ZFP64: variants seen among roughly 807,000 people sequenced by gnomAD.
ZFP64 encodes ZFP64 zinc finger protein.
ZFP64 carries 14 observed loss-of-function variants against 51.6 expected under a neutral mutation model. That is an observed-to-expected ratio of 0.27 (90% CI 0.18 to 0.42). The LOEUF is 0.42. ZFP64 is among the 10% of genes least tolerant of loss of function. The pLI is 1.00. For missense variants in ZFP64, 754 were observed against 906.8 expected, an observed-to-expected ratio of 0.83 and a Z score of 2.16; for synonymous variants, 375 against 361.4, an observed-to-expected ratio of 1.04 and a Z score of -0.43.
Position 52,191,730 on chromosome 20 carries a change from A to AC in ZFP64, c.-95dup. 11 of 1,377,884 alleles carry AC rather than the reference A, an allele frequency of 8.0e-6. No homozygotes were observed. Among genetic ancestry groups the AC allele is most frequent in the Non-Finnish European group, 7.7e-6 (8 of 1,044,810 alleles). 85.4% of individuals were successfully genotyped at this position (1,377,884 alleles called of 1,614,324 possible). A position where few individuals can be genotyped will look rare whatever the true frequency, so the allele number is the denominator to read the frequency against. ...AGGACTTTTCCTTTTATTTTTCCAC[A>AC]CCCCCCACCCTGCCTTCTCCCAACT... is the stretch of plus-strand genomic sequence containing the variant. On this transcript the variant is annotated 5_prime_UTR_variant, in exon 1 of 6. Coordinates refer to ENST00000216923, the MANE Select transcript of ZFP64 (RefSeq NM_018197.3). The surrounding 1 kb of genome is among the most constrained non-coding windows in gnomAD (Gnocchi z 4.3).
downstream of ZFP64, among the ~76,000 whole-genome samples, chr20:52,147,698 T>C (rs1315230891): frequency 6.6e-6 from 1 of 152,246 alleles, no homozygotes; most frequent in African/African-American, 2.4e-5. Context: ...CTATTCACAA[T>C]TATGATAAAA....
At chr20:52,180,749 C>T (rs8116317) in intron 2 of ZFP64, among the ~76,000 whole-genome samples, 79 of 152,008 alleles carry the variant, frequency 5.2e-4, no homozygotes, top group African/African-American at 1.9e-3. Context: ...TGGCTGGAAC[C>T]ATCAGAGATG....
intron 3 of ZFP64, chr20:52,165,316 C>T (rs1464717032): frequency 6.6e-6 from 3 of 456,058 alleles, no homozygotes; most frequent in Non-Finnish European, 1.3e-5. Flanking sequence ...TTAGGAAATA[C>T]ACACTGAAGT....
chr20:52,147,228 G>GTTGCA (rs1216523876), downstream of ZFP64, among the ~76,000 whole-genome samples: 1 of 151,998 alleles, frequency 6.6e-6, no homozygotes, highest in Non-Finnish European at 1.5e-5. Context: ...TTGAGATGGA[G>GTTGCA]TTGCACTCTG....
At chr20:52,164,606 G>T in intron 4 of ZFP64, 89 bp downstream of exon 4, 1 of 1,085,468 alleles carries the variant, frequency 9.2e-7, no homozygotes, top group Non-Finnish European at 1.4e-6. Flanking sequence ...GACGTTTGGA[G>T]TGGTATCATT....
At chr20:52,143,093 C>T (rs1980356037) in intron 5 of ZFP64, among the ~76,000 whole-genome samples, 1 of 142,436 alleles carries the variant, frequency 7.0e-6, no homozygotes, top group South Asian at 2.4e-4. Flanking sequence ...TTTTTAAAGT[C>T]ATAATGCTAT....
At chr20:52,148,485 G>A (rs991265568), downstream of ZFP64, among the ~76,000 whole-genome samples, 1 of 152,190 alleles carries the variant, frequency 6.6e-6, no homozygotes, top group Non-Finnish European at 1.5e-5. Context: ...CAGATCACTG[G>A]AGGCCAGGAG....
chr20:52,103,374 T>C (rs1179726385), intron 5 of ZFP64, among the ~76,000 whole-genome samples: 2 of 152,196 alleles, frequency 1.3e-5, no homozygotes. Context: ...CCCTTGCCAG[T>C]GTCGCAGACC....
chr20:52,145,720 TATC>T (rs1166591289), intron 5 of ZFP64, among the ~76,000 whole-genome samples: 1 of 152,148 alleles, frequency 6.6e-6, no homozygotes, highest in Non-Finnish European at 1.5e-5. Flanking sequence ...TTAGGACACT[TATC>T]ATGAATGGAG....
At chr20:52,118,136 A>G (rs1241711602) in intron 5 of ZFP64, among the ~76,000 whole-genome samples, 1 of 152,146 alleles carries the variant, frequency 6.6e-6, no homozygotes, top group Non-Finnish European at 1.5e-5. Context: ...TAGTTAAGTT[A>G]CTAGTGCACA....
intron 5 of ZFP64, chr20:52,110,259 T>C: frequency 3.2e-6 from 1 of 312,374 alleles, no homozygotes; most frequent in Admixed American, 4.7e-5. Flanking sequence ...ACCAACCCCT[T>C]ATATTTCACA....
chr20:52,111,113 G>C (rs1190886020), intron 5 of ZFP64: 6 of 830,022 alleles, frequency 7.2e-6, no homozygotes, highest in African/African-American at 3.4e-5. Context: ...GACGCGGAGC[G>C]GGGCACGGCG....
chr20:52,184,128 G>A (rs894304106), intron 2 of ZFP64, among the ~76,000 whole-genome samples: 2 of 152,170 alleles, frequency 1.3e-5, no homozygotes, highest in Admixed American at 6.5e-5. Context: ...CTACAGGTGT[G>A]AGCCACTGCG....
At chr20:52,120,708 G>C (rs1165559212) in intron 5 of ZFP64, among the ~76,000 whole-genome samples, 2 of 102,968 alleles carry the variant, frequency 1.9e-5, no homozygotes, top group East Asian at 3.2e-4. Flanking sequence ...ACGGAGTCTT[G>C]CTCTGTCACC....
At chr20:52,162,751 T>C (rs906158065) in intron 4 of ZFP64, among the ~76,000 whole-genome samples, 2 of 152,196 alleles carry the variant, frequency 1.3e-5, no homozygotes, top group Non-Finnish European at 2.9e-5. Flanking sequence ...CACTACACTG[T>C]GTATTTGCAA....
intron 2 of ZFP64, among the ~76,000 whole-genome samples, chr20:52,182,080 CA>C (rs1247421633): frequency 6.6e-6 from 1 of 152,204 alleles, no homozygotes; most frequent in East Asian, 1.9e-4. Context: ...TTCTCCATCT[CA>C]GGCCCTTTAT....
chr20:52,162,864 G>T (rs1198453055), intron 4 of ZFP64, among the ~76,000 whole-genome samples: 1 of 152,106 alleles, frequency 6.6e-6, no homozygotes, highest in Non-Finnish European at 1.5e-5. Context: ...AACTCCAGGG[G>T]TAATTAAGCA....
chr20:52,125,915 T>C (rs1256986151), intron 5 of ZFP64, among the ~76,000 whole-genome samples: 1 of 151,990 alleles, frequency 6.6e-6, no homozygotes, highest in Non-Finnish European at 1.5e-5. Context: ...AGAGTCTCAC[T>C]GTGTCACCCA....
intron 7 of ZFP64, among the ~76,000 whole-genome samples, chr20:52,091,001 A>AG (rs2078920486): frequency 6.9e-6 from 1 of 145,186 alleles, no homozygotes; most frequent in Non-Finnish European, 1.5e-5. Context: ...GCTACTTGGG[A>AG]GGCTCAGGTG....
Sources: allele counts gnomAD v4.1 joint callset (sites outside exome capture counted in the v4.1 genomes callset), GRCh38; gene constraint gnomAD v4.1.1; non-coding constraint Gnocchi (gnomAD v3.1); transcripts MANE v1.5; gene names NCBI Gene and HGNC (gene_info 2026-07-23, HGNC 2026-07-21).